Variants in NDUFA9 observed in about 807,000 individuals in gnomAD.
The protein encoded by NDUFA9 is NADH dehydrogenase [ubiquinone] 1 alpha subcomplex subunit 9, mitochondrial.
In NDUFA9, 23 loss-of-function variants were observed where a neutral mutation model predicts 45.9. That is an observed-to-expected ratio of 0.50 (90% CI 0.36 to 0.71). The LOEUF (loss-of-function observed/expected upper bound fraction) is 0.71, where lower values mean the gene tolerates loss of function less well. Among genes scored for constraint, NDUFA9 ranks in the 30% least tolerant of loss-of-function variants. The pLI is 0.00. For synonymous variants in NDUFA9, 176 were observed against 170.5 expected (o/e 1.03, Z -0.25); for missense variants, 466 against 488.2 (o/e 0.95, Z 0.43).
At chr12:4,655,107 A>G in intron 3 of NDUFA9, 185 bp downstream of exon 3, 2 of 545,594 alleles carry the variant, frequency 3.7e-6, no homozygotes, top group Admixed American at 3.6e-5. Context: ...CTAGATTGGC[A>G]GTTGGCAAAC....
chr12:4,678,033 T>G (rs1777246696), intron 8 of NDUFA9, among the ~76,000 whole-genome samples: 1 of 152,066 alleles, frequency 6.6e-6, no homozygotes, highest in Non-Finnish European at 1.5e-5. Context: ...CTCAGCAAAC[T>G]AACACAAGAA....
Position 4,680,694 on chromosome 12 carries a change from C to G in NDUFA9, c.801-1511C>G, listed in dbSNP as rs534230868. 2.5e-4 allele frequency among the ~76,000 whole-genome samples: 38 copies of G among 152,172 alleles called. No homozygotes were observed. The South Asian group carries it at 5.0e-3, about 20-fold the overall frequency. ...CAAATCCCTCTGGAATTTGAAGAACCCTGCTAAGGCCTTTGTCTGATATTT... is the reference window on the plus strand; with the variant it reads ...CAAATCCCTCTGGAATTTGAAGAACGCTGCTAAGGCCTTTGTCTGATATTT... On this transcript the variant is annotated intron_variant, in intron 8 of 10. Transcript: ENST00000266544.
rs74380742 is a variant in NDUFA9, at chr12:4,650,443, A to G, written c.49+1268A>G. ...ATTTATTGAGTACCTGCTATCTGCA[A>G]TCTCCAGTTCTAGGTATTTTTATTA... On this transcript the variant is annotated intron_variant, in intron 1 of 10. Coordinates refer to ENST00000266544, the MANE Select transcript of NDUFA9 (RefSeq NM_005002.5). 3.5e-3 allele frequency among the ~76,000 whole-genome samples: 531 copies of G among 152,320 alleles called. 2 individuals carry two copies. Among genetic ancestry groups the G allele is most frequent in the African/African-American group, 0.012 (511 of 41,564 alleles).
chr12:4,676,299 G>A (rs1374203465), intron 8 of NDUFA9, among the ~76,000 whole-genome samples: 1 of 152,128 alleles, frequency 6.6e-6, no homozygotes, highest in Non-Finnish European at 1.5e-5. Flanking sequence ...GGGACAATTA[G>A]GCAAGAGAAA....
At chr12:4,652,391 T>G (rs570925606) in intron 1 of NDUFA9, among the ~76,000 whole-genome samples, 1 of 152,332 alleles carries the variant, frequency 6.6e-6, no homozygotes, top group African/African-American at 2.4e-5. Context: ...TCAGAAGGAT[T>G]GTGTATACTC....
At chr12:4,664,913 C>T (rs762562047) in intron 6 of NDUFA9, among the ~76,000 whole-genome samples, 6 of 152,176 alleles carry the variant, frequency 3.9e-5, no homozygotes, top group Admixed American at 1.3e-4. Context: ...TTCTTTCTTA[C>T]GTCTTCCTTT....
At position 4,657,757 on chromosome 12, in the gene NDUFA9, G is replaced by A. The variant is rs772426441; in HGVS notation, c.328G>A (p.Ala110Thr). ...CTTTCTGCTATTATAGGAATGGGAC[G>A]CGAGAGATAAAGATTCTATCCGACG... ...LGQLLFLEWD[A>T]RDKDSIRRVV... Residue 110 changes from alanine (A) to threonine (T), a missense_variant, in exon 4 of 11, where the codon GCG becomes ACG. Coordinates refer to ENST00000266544, the MANE Select transcript of NDUFA9 (RefSeq NM_005002.5). 16 of 1,612,288 alleles carry A rather than the reference G, an allele frequency of 9.9e-6. No individual in the cohort carries two copies. The highest frequency in any genetic ancestry group is 4.5e-5 in the East Asian group (2 of 44,880).
rs1946025452 is a variant in NDUFA9 at position 4,692,858 on chromosome 12, T to A, written c.*5750T>A. 6.5e-6 allele frequency: 1 copy of A among 152,718 alleles called. No homozygotes were observed. Among genetic ancestry groups the A allele is most frequent in the Non-Finnish European group, 1.5e-5 (1 of 68,458 alleles). 9.5% of individuals were successfully genotyped at this position (152,718 alleles called of 1,614,324 possible). ...CCATAAAGGAGTACCTGAAGCTGGG[T>A]AATTAATAAAGAAAAGGGGTTTATT... On this transcript the variant is annotated 3_prime_UTR_variant, in exon 11 of 11. Transcript: ENST00000266544.
chr12:4,669,429 A>G (rs1041537496), intron 7 of NDUFA9, among the ~76,000 whole-genome samples: 6 of 152,254 alleles, frequency 3.9e-5, no homozygotes, highest in Non-Finnish European at 7.3e-5. Context: ...GCCTCAAGCT[A>G]TCTGAAGGTA....
Position 4,691,257 on chromosome 12 carries a change from A to G in NDUFA9, c.*4149A>G, listed in dbSNP as rs552297536. Reference sequence around the variant, plus strand: ...TGAGCCCTGCACATAATAAGAACTAAGTAAATGTGAGCCATTATCATTTAA... The same window carrying G: ...TGAGCCCTGCACATAATAAGAACTAGGTAAATGTGAGCCATTATCATTTAA... On this transcript the variant is annotated 3_prime_UTR_variant, in exon 11 of 11. Transcript: ENST00000266544. The G allele has an allele frequency of 1.3e-5, 2 of 152,372 alleles. No homozygotes were observed. Among genetic ancestry groups the G allele is most frequent in the Non-Finnish European group, 2.9e-5 (2 of 68,036 alleles). 9.4% of individuals were successfully genotyped at this position (152,372 alleles called of 1,614,324 possible). A position where few individuals can be genotyped will look rare whatever the true frequency, so the allele number is the denominator to read the frequency against.
chr12:4,657,895 A>G, intron 4 of NDUFA9, 56 bp downstream of exon 4: 1 of 1,350,842 alleles, frequency 7.4e-7, no homozygotes. Flanking sequence ...GGTTTAATGG[A>G]CCTTCGCTGG....
At chr12:4,651,350 A>G (rs1251367276) in intron 1 of NDUFA9, among the ~76,000 whole-genome samples, 1 of 152,166 alleles carries the variant, frequency 6.6e-6, no homozygotes, top group Admixed American at 6.5e-5. Context: ...GTAATAATTT[A>G]TATTTATTGA....
intron 8 of NDUFA9, among the ~76,000 whole-genome samples, chr12:4,675,809 A>G (rs1945916235): frequency 1.3e-5 from 2 of 152,216 alleles, no homozygotes; most frequent in South Asian, 2.1e-4. Flanking sequence ...AATTCATTTT[A>G]TGAGGCCAGC....
intron 6 of NDUFA9, among the ~76,000 whole-genome samples, chr12:4,668,124 G>T (rs914016069): frequency 6.6e-6 from 1 of 152,162 alleles, no homozygotes; most frequent in Non-Finnish European, 1.5e-5. Context: ...ATCATAAGGA[G>T]GAAGAGTTCC....
chr12:4,668,844 C>A, intron 7 of NDUFA9: 1 of 321,844 alleles, frequency 3.1e-6, no homozygotes, highest in Non-Finnish European at 5.9e-6. Flanking sequence ...ATAAATAAAG[C>A]AGTTATTGTA....
chr12:4,655,065 T>C (rs1227602887), intron 3 of NDUFA9, 143 bp downstream of exon 3: 2 of 631,942 alleles, frequency 3.2e-6, no homozygotes, highest in Non-Finnish European at 5.3e-6. Flanking sequence ...TTCTTTCAGC[T>C]AGGTTCCGGC....
chr12:4,649,441 C>A (rs1309520069), intron 1 of NDUFA9, among the ~76,000 whole-genome samples: 4 of 150,996 alleles, frequency 2.6e-5, no homozygotes, highest in South Asian at 2.1e-4. Context: ...CGTTAGGGAT[C>A]GAGAGAATCA....
intron 8 of NDUFA9, among the ~76,000 whole-genome samples, chr12:4,673,836 C>T (rs11831530): frequency 0.013 from 1,939 of 152,114 alleles, 43 homozygotes; most frequent in African/African-American, 0.044. Context: ...AGATACTCCT[C>T]GAGAAGAGCA....
In NDUFA9 at chr12:4,667,832, T is replaced by TTA. The variant is rs1555134541; in HGVS notation, c.656-625_656-624insTA. Among the ~76,000 whole-genome samples, 664 of 149,368 alleles carry TTA rather than the reference T, an allele frequency of 4.4e-3. 1 individual carries two copies. Among genetic ancestry groups the TTA allele is most frequent in the Non-Finnish European group, 7.2e-3 (484 of 67,212 alleles). The stretch of plus-strand genomic sequence containing the variant: ...GCCTAATTTCTACTCTTAAATGGTT[T>TTA]AAAAAAAAAAGAAAAACAAACAAAC... On this transcript the variant is annotated intron_variant, in intron 6 of 10. Transcript: ENST00000266544.
Sources: allele counts gnomAD v4.1 joint callset (sites outside exome capture counted in the v4.1 genomes callset), GRCh38; gene constraint gnomAD v4.1.1; transcripts MANE v1.5; gene names NCBI Gene and HGNC (gene_info 2026-07-23, HGNC 2026-07-21).